Variants in GUCD1 observed in about 807,000 individuals in gnomAD.
The protein encoded by GUCD1 is guanylyl cyclase domain containing 1.
In GUCD1, 17 loss-of-function variants were observed where a neutral mutation model predicts 28.3. The observed-to-expected ratio is 0.60, with a 90% confidence interval of 0.41 to 0.90. The LOEUF (loss-of-function observed/expected upper bound fraction) is 0.90, where lower values mean the gene tolerates loss of function less well. GUCD1 is among the 40% of genes least tolerant of loss of function. GUCD1 has a pLI of 0.00. For synonymous variants in GUCD1, 129 were observed against 123.3 expected, an observed-to-expected ratio of 1.05 and a Z score of -0.30; for missense variants, 279 against 305.5, an observed-to-expected ratio of 0.91 and a Z score of 0.65.
upstream of GUCD1, chr22:24,555,140 G>A (rs373177191): frequency 1.9e-5 from 25 of 1,304,690 alleles, no homozygotes; most frequent in South Asian, 6.8e-5. Context: ...GCGGCGGCTG[G>A]GCCGCCCCAA....
intron 4 of GUCD1, 102 bp from the exon 5 acceptor site, chr22:24,544,185 A>C: frequency 6.7e-7 from 1 of 1,498,190 alleles, no homozygotes; most frequent in Non-Finnish European, 9.0e-7. Context: ...AAGCTTGGGG[A>C]TCGGCTCCTT....
upstream of GUCD1, chr22:24,555,594 C>T (rs1314179418): frequency 1.3e-6 from 2 of 1,549,880 alleles, no homozygotes; most frequent in Non-Finnish European, 1.7e-6. Context: ...GATACCTAGC[C>T]TCACTCAGGG....
At chr22:24,549,456 C>T (rs2044815369) in intron 1 of GUCD1, among the ~76,000 whole-genome samples, 1 of 152,174 alleles carries the variant, frequency 6.6e-6, no homozygotes, top group Non-Finnish European at 1.5e-5. Context: ...GCATTCACTT[C>T]CCACCATGCC....
At chr22:24,555,484 A>G, upstream of GUCD1, 1 of 1,206,214 alleles carries the variant, frequency 8.3e-7, no homozygotes, top group Non-Finnish European at 1.2e-6. Flanking sequence ...GATCCCGCCC[A>G]GTGCATCCCC....
At position 24,548,186 on chromosome 22, in the gene GUCD1, T is replaced by G. The variant is rs1249033584; in HGVS notation, c.129-113A>C. ...TCACAGGTCCCATTCCCCAGAAGTC[T>G]CCCTCCTTCATCATGAGACCCTAGG... On this transcript the variant is annotated intron_variant, in intron 2 of 5. Transcript: ENST00000435822. 4.6e-6 allele frequency: 4 copies of G among 861,636 alleles called. No homozygotes were observed. In the Admixed American group the frequency reaches 9.1e-5, roughly 20 times the overall value. 53.4% of individuals were successfully genotyped at this position (861,636 alleles called of 1,614,324 possible).
Position 24,547,689 on chromosome 22 carries a change from C to T in GUCD1, c.294+219G>A, listed in dbSNP as rs1268932537. ...GGTGGACAGGAGCCAGGACTCAGTA[C>T]TCAGATCCTCTGGGCAGGCCCGACT... is the stretch of plus-strand genomic sequence containing the variant. On this transcript the variant is annotated intron_variant, in intron 3 of 5. Coordinates refer to ENST00000435822, the MANE Select transcript of GUCD1 (RefSeq NM_001284254.2). 1.8e-5 allele frequency: 10 copies of T among 549,146 alleles called. No homozygotes were observed. The Admixed American group carries it at 2.5e-4, about 14-fold the overall frequency. 34.0% of individuals were successfully genotyped at this position (549,146 alleles called of 1,614,324 possible). A position where few individuals can be genotyped will look rare whatever the true frequency, so the allele number is the denominator to read the frequency against.
chr22:24,555,199 CCTT>C, upstream of GUCD1: 1 of 1,303,986 alleles, frequency 7.7e-7, no homozygotes, highest in Non-Finnish European at 9.7e-7. Context: ...CCCGCCCCCT[CCTT>C]AGGCCCCGCC....
At position 24,542,977 on chromosome 22, in the gene GUCD1, G is replaced by A. The variant is rs746616470; in HGVS notation, c.*29C>T. The A allele has an allele frequency of 1.3e-5, 20 of 1,544,876 alleles. No homozygotes were observed. Among genetic ancestry groups the A allele is most frequent in the South Asian group, 5.6e-5 (5 of 89,564 alleles). On this transcript the variant is annotated 3_prime_UTR_variant, in exon 6 of 6. Transcript: ENST00000435822. ...CCCGGCTGGGGTGGGGATGGGGTCC[G>A]AGGGCCTAGGCGCACCAGGCTCCTG...
chr22:24,549,021 G>T lies in GUCD1; in HGVS notation c.44-20C>A. On this transcript the variant is annotated intron_variant, in intron 1 of 5. Transcript: ENST00000435822. ...AGTCCCCTGTGCAGAAACAGAGGGA[G>T]GTCACAGACCCTCAGCGCAGAGCCC... The T allele has an allele frequency of 6.5e-7, 1 of 1,540,108 alleles. No individual in the cohort carries two copies. Among genetic ancestry groups the T allele is most frequent in the Non-Finnish European group, 8.8e-7 (1 of 1,133,462 alleles).
chr22:24,546,924 CCAGCACCTTG>C lies in GUCD1; in HGVS notation c.366_375del (p.Cys122TrpfsTer7). The C allele has an allele frequency of 6.2e-7, 1 of 1,613,952 alleles. No homozygotes were observed. The highest frequency in any genetic ancestry group is 8.5e-7 in the Non-Finnish European group (1 of 1,179,928). On this transcript the variant is annotated frameshift_variant, in exon 4 of 6. Coordinates refer to ENST00000435822, the MANE Select transcript of GUCD1 (RefSeq NM_001284254.2). LOFTEE classifies it high-confidence loss of function. ...AGTTGGGGGGCTCACCATTTCTCCA[CCAGCACCTTG>C]CAGGCCTTTGCTTGTGCAAACAGCT...
chr22:24,552,727 G>A (rs941100008), intron 1 of GUCD1, among the ~76,000 whole-genome samples: 3 of 149,648 alleles, frequency 2.0e-5, no homozygotes, highest in South Asian at 2.1e-4. Context: ...CCAAAATTAC[G>A]CCACTGCACT....
upstream of GUCD1, chr22:24,555,847 G>C (rs2045049461): frequency 6.5e-7 from 1 of 1,540,684 alleles, no homozygotes; most frequent in African/African-American, 1.4e-5. Flanking sequence ...TCCGGTGCCG[G>C]AACTATCGTA....
chr22:24,548,544 A>G (rs917129909), intron 2 of GUCD1, among the ~76,000 whole-genome samples: 2 of 152,106 alleles, frequency 1.3e-5, no homozygotes, highest in African/African-American at 4.8e-5. Context: ...CTTGGCTCTC[A>G]CTGTCCAGGT....
chr22:24,555,339 C>A, upstream of GUCD1: 1 of 1,387,288 alleles, frequency 7.2e-7, no homozygotes, highest in Non-Finnish European at 9.4e-7. Context: ...CACCAGGACG[C>A]GGGCCCCGGA....
chr22:24,555,569 A>C (rs1231908683), upstream of GUCD1: 4 of 1,543,090 alleles, frequency 2.6e-6, no homozygotes, highest in Non-Finnish European at 2.6e-6. Context: ...TCTATACCTA[A>C]CTTTATCCGT....
In GUCD1 at chr22:24,541,053, A is replaced by G. The variant is rs530845907; in HGVS notation, c.*1953T>C. On this transcript the variant is annotated 3_prime_UTR_variant, in exon 6 of 6. Transcript: ENST00000435822. The stretch of plus-strand genomic sequence containing the variant: ...TGCCCACACCCCACAGCTGCTGTGC[A>G]TGGGTACTCCTGGGCCACCTGGCAT... 2.4e-5 allele frequency: 4 copies of G among 169,924 alleles called. No individual in the cohort carries two copies. The South Asian group carries it at 6.1e-4, about 26-fold the overall frequency. The allele number at this position is 169,924 out of a possible 1,614,324, so 10.5% of individuals were successfully genotyped here.
At position 24,555,092 on chromosome 22, in the gene GUCD1, C is replaced by G; in HGVS notation, c.-101G>C. 7.6e-7 allele frequency: 1 copy of G among 1,313,078 alleles called. No individual in the cohort carries two copies. The highest frequency in any genetic ancestry group is 1.5e-5 in the African/African-American group (1 of 64,836). The allele number at this position is 1,313,078 out of a possible 1,614,324, so 81.3% of individuals were successfully genotyped here. A position where few individuals can be genotyped will look rare whatever the true frequency, so the allele number is the denominator to read the frequency against. On this transcript the variant is annotated 5_prime_UTR_variant, in exon 1 of 6. Transcript: ENST00000435822. ...GCGGTCGGTGCGTGTCGAGTTCCTT[C>G]TCCGCCACCGCCGCCGCTGCGGAGG...
At chr22:24,551,989 T>C (rs1169632846) in intron 1 of GUCD1, among the ~76,000 whole-genome samples, 3 of 152,272 alleles carry the variant, frequency 2.0e-5, no homozygotes, top group Non-Finnish European at 4.4e-5. Context: ...TGGAGGAAAC[T>C]AGCATAGGCC....
At chr22:24,547,119 G>A in intron 3 of GUCD1, 114 bp from the exon 4 acceptor site, 1 of 779,124 alleles carries the variant, frequency 1.3e-6, no homozygotes, top group Admixed American at 1.9e-5. Flanking sequence ...GGGCAGAGGA[G>A]CCCCACCTGC....
Sources: gnomAD v4.1 joint callset for allele counts (sites outside exome capture counted in the v4.1 genomes callset) on GRCh38, gnomAD v4.1.1 for gene constraint, MANE v1.5 for transcripts, NCBI Gene and HGNC (gene_info 2026-07-23, HGNC 2026-07-21) for gene names.